The following SLC12A7 variants were observed in gnomAD, a reference collection of about 807,000 sequenced individuals.
SLC12A7 encodes the protein K-Cl cotransporter 4.
A neutral mutation model predicts 120.6 loss-of-function variants in SLC12A7; 100 were observed. The ratio of observed to expected loss-of-function variants is 0.83; its 90% confidence interval spans 0.71 to 0.98. The LOEUF (loss-of-function observed/expected upper bound fraction) is 0.98, where lower values mean the gene tolerates loss of function less well. Among genes scored for constraint, SLC12A7 ranks in the 50% least tolerant of loss-of-function variants. The probability of loss-of-function intolerance (pLI) is 0.00; values close to 1 mark genes in which losing one functional copy is unlikely to be tolerated. For missense variants in SLC12A7, 1,373 were observed against 1,548.1 expected, an observed-to-expected ratio of 0.89 and a Z score of 1.90; for synonymous variants, 760 against 678.0, an observed-to-expected ratio of 1.12 and a Z score of -1.88.
At chr5:1,111,844 C>A (rs1329505605) in intron 1 of SLC12A7, 24 bp downstream of exon 1, 1 of 1,202,638 alleles carries the variant, frequency 8.3e-7, no homozygotes, top group Non-Finnish European at 1.0e-6. Context: ...CGGCCTTTGT[C>A]CGGCCAGGTG....
chr5:1,096,613 T>A (rs1371103229), intron 1 of SLC12A7, among the ~76,000 whole-genome samples: 1 of 141,998 alleles, frequency 7.0e-6, no homozygotes, highest in Non-Finnish European at 1.5e-5. Flanking sequence ...CTTTCTGGAG[T>A]CAATGGAAGA....
chr5:1,078,305 G>C (rs561424788), intron 11 of SLC12A7, among the ~76,000 whole-genome samples: 1 of 152,098 alleles, frequency 6.6e-6, no homozygotes, highest in Non-Finnish European at 1.5e-5. Context: ...CAGGACCCCC[G>C]GGGCCTTGGG....
At chr5:1,086,765 G>A (rs1189460924) in intron 6 of SLC12A7, 138 bp downstream of exon 6, 6 of 1,195,534 alleles carry the variant, frequency 5.0e-6, no homozygotes, top group African/African-American at 3.1e-5. Context: ...CAGAGCCCAG[G>A]AGAGCCCAGG....
chr5:1,116,596 G>T (rs1290738767), upstream of SLC12A7, among the ~76,000 whole-genome samples: 1 of 152,148 alleles, frequency 6.6e-6, no homozygotes, highest in Non-Finnish European at 1.5e-5. Context: ...CCCTCTGGAA[G>T]ATTCCGTGGA....
At chr5:1,094,006 C>T (rs1342072974) in intron 2 of SLC12A7, 148 bp downstream of exon 2, 2 of 652,372 alleles carry the variant, frequency 3.1e-6, no homozygotes, top group African/African-American at 1.8e-5. Context: ...GCCCCCGCCA[C>T]AGCCTTCAGG....
intron 1 of SLC12A7, among the ~76,000 whole-genome samples, chr5:1,102,788 G>A (rs1437816621): frequency 6.6e-6 from 1 of 152,210 alleles, no homozygotes; most frequent in Non-Finnish European, 1.5e-5. Context: ...GGGACTCACA[G>A]CAGAATGAGT....
intron 6 of SLC12A7, 29 bp from the exon 7 acceptor site, chr5:1,085,502 G>T: frequency 6.4e-7 from 1 of 1,558,366 alleles, no homozygotes. Flanking sequence ...TCGGGAGGCC[G>T]TCCCCGGACA....
chr5:1,147,256 C>G, the SLC12A7 span, among the ~76,000 whole-genome samples: 35 of 139,176 alleles, frequency 2.5e-4, no homozygotes, highest in Non-Finnish European at 4.9e-4. Flanking sequence ...CGCCACCCCC[C>G]CCGCCCCCGC....
the SLC12A7 span, among the ~76,000 whole-genome samples, chr5:1,148,046 T>C: frequency 6.6e-6 from 1 of 152,168 alleles, no homozygotes; most frequent in Non-Finnish European, 1.5e-5. Flanking sequence ...TCTGTCTCCC[T>C]GAAATGTATA....
the SLC12A7 span, among the ~76,000 whole-genome samples, chr5:1,135,052 G>A: frequency 1.1e-4 from 17 of 151,584 alleles, no homozygotes; most frequent in South Asian, 2.7e-3. Flanking sequence ...GCTTGAACCC[G>A]GGAGGCAGAG....
At chr5:1,083,393 C>T (rs1424192870) in intron 8 of SLC12A7, among the ~76,000 whole-genome samples, 1 of 152,230 alleles carries the variant, frequency 6.6e-6, no homozygotes, top group Non-Finnish European at 1.5e-5. Context: ...AGCCTCTCAT[C>T]AGAGAAGGAT....
chr5:1,118,244 C>T, the SLC12A7 span, among the ~76,000 whole-genome samples: 4 of 152,180 alleles, frequency 2.6e-5, no homozygotes, highest in Admixed American at 6.5e-5. Flanking sequence ...GCCAGCTCTG[C>T]GTGAGTCATT....
chr5:1,079,353 C>T (rs1247214057), intron 10 of SLC12A7, 45 bp downstream of exon 10: 2 of 1,513,590 alleles, frequency 1.3e-6, no homozygotes, highest in African/African-American at 2.7e-5. Flanking sequence ...GGGGCCTCCC[C>T]CCAGGCAGAG....
intron 1 of SLC12A7, among the ~76,000 whole-genome samples, chr5:1,110,047 C>T (rs1742877154): frequency 6.6e-6 from 1 of 152,246 alleles, no homozygotes; most frequent in South Asian, 2.1e-4. Context: ...AGGCTCCGTG[C>T]CCATCACGGG....
At chr5:1,155,000 C>T in the SLC12A7 span, among the ~76,000 whole-genome samples, 9 of 152,188 alleles carry the variant, frequency 5.9e-5, no homozygotes, top group South Asian at 2.1e-4. Context: ...CCAAGGCTGG[C>T]GGGGGGCACT....
the SLC12A7 span, among the ~76,000 whole-genome samples, chr5:1,133,953 A>G: frequency 6.6e-6 from 1 of 152,118 alleles, no homozygotes; most frequent in Admixed American, 6.5e-5. Flanking sequence ...TGAACTTTCC[A>G]GCACGTACAC....
In SLC12A7 at chr5:1,065,382, A is replaced by T; in HGVS notation, c.2338T>A (p.Ser780Thr). The T allele has an allele frequency of 6.2e-7, 1 of 1,612,702 alleles. No homozygotes were observed. Among genetic ancestry groups the T allele is most frequent in the Non-Finnish European group, 8.5e-7 (1 of 1,179,706 alleles). The part of the protein sequence containing the change: ...LRDGMSHLIQ[S>T]AGLGGLKHNT... ...TGCTTCAGGCCGCCCAGGCCGGCCG[A>T]CTGGATCAGGTGGGACATGCCATCC... The change falls in exon 18 of 24, where the codon TCG (serine) becomes ACG (threonine). Residue 780 changes from serine to threonine, a missense_variant. Ser to Thr is a moderately conservative substitution (Grantham distance 58). Coordinates refer to ENST00000264930, the MANE Select transcript of SLC12A7 (RefSeq NM_006598.3).
At chr5:1,134,028 C>A in the SLC12A7 span, among the ~76,000 whole-genome samples, 1 of 152,174 alleles carries the variant, frequency 6.6e-6, no homozygotes, top group Non-Finnish European at 1.5e-5. Flanking sequence ...CCCTGGCCCA[C>A]CACAGACCCA....
Position 1,052,243 on chromosome 5 carries a change from G to A in SLC12A7, c.*117C>T. On this transcript the variant is annotated 3_prime_UTR_variant, in exon 24 of 24. Transcript: ENST00000264930. ...CGTAGGAAGCCCCATGGGCAGCTTG[G>A]GCGGCATCACTGGGGGACAGGTGTG... 1 of 862,734 alleles carries A rather than the reference G, an allele frequency of 1.2e-6. No individual in the cohort carries two copies. Among genetic ancestry groups the A allele is most frequent in the Admixed American group, 1.8e-5 (1 of 55,490 alleles). The allele number at this position is 862,734 out of a possible 1,614,324, so 53.4% of individuals were successfully genotyped here.
Sources: allele counts gnomAD v4.1 joint callset (sites outside exome capture counted in the v4.1 genomes callset), GRCh38; gene constraint gnomAD v4.1.1; transcripts MANE v1.5; gene names NCBI Gene and HGNC (gene_info 2026-07-23, HGNC 2026-07-21).